Variants in SLC2A5 observed in about 807,000 individuals in gnomAD.
The protein encoded by SLC2A5 is solute carrier family 2 member 5, also known as solute carrier family 2, facilitated glucose transporter member 5.
Under a neutral mutation model 50.3 loss-of-function variants are expected in SLC2A5, and 56 were observed. That is an observed-to-expected ratio of 1.11 (90% CI 0.90 to 1.39). SLC2A5 has a LOEUF of 1.39. SLC2A5 is among the 40% of genes most tolerant of loss of function. SLC2A5 has a pLI of 0.00. For synonymous variants in SLC2A5, 269 were observed against 281.9 expected, an observed-to-expected ratio of 0.95 and a Z score of 0.46; for missense variants, 566 against 650.1, an observed-to-expected ratio of 0.87 and a Z score of 1.41.
At chr1:9,066,376 T>C (rs1403997892) in intron 1 of SLC2A5, among the ~76,000 whole-genome samples, 1 of 152,016 alleles carries the variant, frequency 6.6e-6, no homozygotes, top group African/African-American at 2.4e-5. Context: ...GCTGGGACTA[T>C]AGGCACGGTC....
At chr1:9,047,555 TGTC>T in intron 4 of SLC2A5, 52 bp downstream of exon 4, 7 of 1,590,084 alleles carry the variant, frequency 4.4e-6, no homozygotes, top group Non-Finnish European at 6.0e-6. Flanking sequence ...GGGAACCTGT[TGTC>T]CTCCTCCTTG....
At chr1:9,056,745 G>C (rs1251294192) in intron 3 of SLC2A5, among the ~76,000 whole-genome samples, 1 of 152,102 alleles carries the variant, frequency 6.6e-6, no homozygotes, top group East Asian at 1.9e-4. Flanking sequence ...CTAGAAATAG[G>C]GGCAAAGATA....
chr1:9,083,493 T>G (rs1642373783), intron 2 of SLC2A5, among the ~76,000 whole-genome samples: 1 of 152,188 alleles, frequency 6.6e-6, no homozygotes, highest in Non-Finnish European at 1.5e-5. Context: ...GGATTTGACC[T>G]AGGTTTCACG....
At chr1:9,071,021 C>T (rs1201755275), upstream of SLC2A5, among the ~76,000 whole-genome samples, 1 of 152,114 alleles carries the variant, frequency 6.6e-6, no homozygotes, top group African/African-American at 2.4e-5. Flanking sequence ...GAAAAAGTTT[C>T]CAAAGAAAAT....
intron 1 of SLC2A5, among the ~76,000 whole-genome samples, chr1:9,086,452 A>C (rs1642403190): frequency 6.6e-6 from 1 of 150,712 alleles, no homozygotes; most frequent in South Asian, 2.1e-4. Context: ...GTAGTGGCAC[A>C]ATCTCAGCTC....
At chr1:9,090,418 T>C (rs1273985774), upstream of SLC2A5, among the ~76,000 whole-genome samples, 4 of 152,192 alleles carry the variant, frequency 2.6e-5, no homozygotes, top group Admixed American at 2.0e-4. Flanking sequence ...TTACGGGGAC[T>C]CAAGCCCATC....
At chr1:9,066,076 A>G (rs1642073361) in intron 1 of SLC2A5, among the ~76,000 whole-genome samples, 1 of 152,196 alleles carries the variant, frequency 6.6e-6, no homozygotes, top group Non-Finnish European at 1.5e-5. Context: ...TTAATTACAA[A>G]TGAATATCAG....
At chr1:9,057,320 GA>G in intron 3 of SLC2A5, 127 bp downstream of exon 3, 1 of 345,476 alleles carries the variant, frequency 2.9e-6, no homozygotes, top group Non-Finnish European at 5.1e-6. Context: ...AAAAAAGAAA[GA>G]AAAAAGAAAA....
chr1:9,042,689 GTGTA>G (rs1237732750), intron 4 of SLC2A5, among the ~76,000 whole-genome samples: 1 of 151,284 alleles, frequency 6.6e-6, no homozygotes, highest in Non-Finnish European at 1.5e-5. Flanking sequence ...GCATGTGTAT[GTGTA>G]TGTATATATA....
chr1:9,085,865 C>A (rs1363220832), intron 1 of SLC2A5, among the ~76,000 whole-genome samples: 1 of 152,182 alleles, frequency 6.6e-6, no homozygotes, highest in African/African-American at 2.4e-5. Flanking sequence ...CGGGCCCAGG[C>A]AAATCCTGGG....
Position 9,037,503 on chromosome 1 carries a change from A to G in SLC2A5, c.*83T>C, listed in dbSNP as rs1224389323. ...CATCAGAGTTGTTTTATTTCTGGAT[A>G]TTCACAGACAGCTAGAAGTCAGAAA... is the stretch of plus-strand genomic sequence containing the variant. On this transcript the variant is annotated 3_prime_UTR_variant, in exon 12 of 12. Transcript: ENST00000377424. 8.7e-7 allele frequency: 1 copy of G among 1,144,720 alleles called. No individual in the cohort carries two copies. The allele number at this position is 1,144,720 out of a possible 1,614,324, so 70.9% of individuals were successfully genotyped here.
chr1:9,038,782 C>A, intron 9 of SLC2A5, 46 bp downstream of exon 9: 1 of 1,520,706 alleles, frequency 6.6e-7, no homozygotes, highest in African/African-American at 1.4e-5. Flanking sequence ...GGGCACTGGT[C>A]TTCCTGGTGC....
At chr1:9,060,407 T>C (rs187494868) in intron 1 of SLC2A5, among the ~76,000 whole-genome samples, 3 of 87,558 alleles carry the variant, frequency 3.4e-5, no homozygotes, top group African/African-American at 9.2e-5. Context: ...GTACACACAC[T>C]ACACACCCCA....
At chr1:9,049,143 C>A (rs557723115) in intron 3 of SLC2A5, 10 of 456,240 alleles carry the variant, frequency 2.2e-5, no homozygotes, top group Non-Finnish European at 4.0e-5. Context: ...TCTGGAGGGG[C>A]CTCTCGCAAT....
At chr1:9,058,072 G>T in intron 2 of SLC2A5, 80 bp downstream of exon 2, 1 of 1,018,218 alleles carries the variant, frequency 9.8e-7, no homozygotes, top group Non-Finnish European at 1.5e-6. Flanking sequence ...TGCGTGAACA[G>T]CCCCACGCTG....
rs539172283 is a variant in SLC2A5 at position 9,038,828 on chromosome 1, C to G, written c.1098G>C (p.Gln366His). The change falls in exon 9 of 12, where the codon CAG (glutamine) becomes CAC (histidine). Residue 366 changes from glutamine to histidine, a missense_variant and splice_region_variant. Coordinates refer to ENST00000377424, the MANE Select transcript of SLC2A5 (RefSeq NM_003039.3). Reference protein sequence around the residue: ...CCVLTAALALQDTVSWMPYIS... With the variant: ...CCVLTAALALHDTVSWMPYIS... ...TCCTGGGACCCTGGCCTGTCCTCAC[C>G]TGCAGTGCCAGAGCTGCAGTGAGCA... The G allele has an allele frequency of 4.4e-6, 7 of 1,605,626 alleles. No homozygotes were observed. The East Asian group carries it at 1.6e-4, about 36-fold the overall frequency.
At chr1:9,075,032 C>CAA (rs70985580) in intron 2 of SLC2A5, among the ~76,000 whole-genome samples, 1 of 142,072 alleles carries the variant, frequency 7.0e-6, no homozygotes, top group African/African-American at 2.6e-5. Context: ...AAAAACAAAA[C>CAA]AAAAAAAAAA....
chr1:9,036,027 T>G lies in SLC2A5; in HGVS notation c.*1559A>C, dbSNP rs1641128052. ...CACATGGGAATTATGGGAGCTACAA[T>G]TCAAGATGAGATTTGGGTGGGGACA... On this transcript the variant is annotated 3_prime_UTR_variant, in exon 12 of 12. Coordinates refer to ENST00000377424, the MANE Select transcript of SLC2A5 (RefSeq NM_003039.3). 6.6e-6 allele frequency: 1 copy of G among 152,194 alleles called. No individual in the cohort carries two copies. The highest frequency in any genetic ancestry group is 1.5e-5 in the Non-Finnish European group (1 of 68,058). 9.4% of individuals were successfully genotyped at this position (152,194 alleles called of 1,614,324 possible).
intron 3 of SLC2A5, 65 bp from the exon 4 acceptor site, chr1:9,047,799 C>T: frequency 6.4e-7 from 1 of 1,552,874 alleles, no homozygotes; most frequent in Non-Finnish European, 8.8e-7. Context: ...AGAAATGTTT[C>T]TGGAGTGTCT....
Sources: gnomAD v4.1 joint callset for allele counts (sites outside exome capture counted in the v4.1 genomes callset) on GRCh38, gnomAD v4.1.1 for gene constraint, MANE v1.5 for transcripts, NCBI Gene and HGNC (gene_info 2026-07-23, HGNC 2026-07-21) for gene names.